Variants in UBR3 observed in about 807,000 individuals in gnomAD.
UBR3 encodes the protein ubiquitin protein ligase E3 component n-recognin 3.
Under a neutral mutation model 243.2 loss-of-function variants are expected in UBR3, and 85 were observed. The observed-to-expected ratio is 0.35, with a 90% confidence interval of 0.29 to 0.42. The LOEUF (loss-of-function observed/expected upper bound fraction) is 0.42, where lower values mean the gene tolerates loss of function less well. Among genes scored for constraint, UBR3 ranks in the 10% least tolerant of loss-of-function variants. The probability of loss-of-function intolerance (pLI) is 1.00; values close to 1 mark genes in which losing one functional copy is unlikely to be tolerated. For missense variants in UBR3, 1,686 were observed against 2,300.8 expected, an observed-to-expected ratio of 0.73 and a Z score of 5.47; for synonymous variants, 748 against 799.8, an observed-to-expected ratio of 0.94 and a Z score of 1.09.
chr2:170,034,017 G>GTT (rs1475823163), intron 31 of UBR3, among the ~76,000 whole-genome samples: 1 of 15,902 alleles, frequency 6.3e-5, no homozygotes. Context: ...ACTTTGGTTT[G>GTT]TTTTTTTTTT....
At chr2:169,874,177 T>TC (rs2083523133) in intron 2 of UBR3, among the ~76,000 whole-genome samples, 1 of 152,058 alleles carries the variant, frequency 6.6e-6, no homozygotes, top group African/African-American at 2.4e-5. Flanking sequence ...TTCTGCCTTT[T>TC]TTTTTTTTGA....
At chr2:170,061,265 TA>T in intron 34 of UBR3, 52 bp from the exon 35 acceptor site, 1 of 1,585,224 alleles carries the variant, frequency 6.3e-7, no homozygotes. Context: ...ATGTAATTTT[TA>T]AAAACTCTTT....
intron 29 of UBR3, among the ~76,000 whole-genome samples, chr2:170,012,675 T>TG (rs1370282527): frequency 6.7e-6 from 1 of 150,254 alleles, no homozygotes; most frequent in East Asian, 1.9e-4. Flanking sequence ...AGATACTGGT[T>TG]TTTTTTTTTT....
intron 1 of UBR3, among the ~76,000 whole-genome samples, chr2:169,847,670 C>T: frequency 6.6e-6 from 1 of 152,108 alleles, no homozygotes. Context: ...TCTATTTTTT[C>T]TAGTATTTCT....
At chr2:169,829,253 T>C (rs1274452428) in intron 1 of UBR3, among the ~76,000 whole-genome samples, 12 of 152,132 alleles carry the variant, frequency 7.9e-5, no homozygotes, top group Non-Finnish European at 1.5e-4. Flanking sequence ...GACCAACCCC[T>C]TACTCTACTT....
Position 169,846,150 on chromosome 2 carries a change from TGG to T in UBR3, c.545+18099_545+18100del. On this transcript the variant is annotated intron_variant, in intron 1 of 38. Coordinates refer to ENST00000272793, the MANE Select transcript of UBR3 (RefSeq NM_172070.4). ...TGCTTGTTTTCTTCATTACTGAGAA[TGG>T]TGTTGAAGTCTCCAAATATAACCGT... 1.3e-5 allele frequency among the ~76,000 whole-genome samples: 2 copies of T among 152,212 alleles called. 1 individual carries two copies. Among genetic ancestry groups the T allele is most frequent in the African/African-American group, 4.8e-5 (2 of 41,460 alleles).
chr2:169,986,555 A>C, intron 24 of UBR3, 90 bp from the exon 25 acceptor site: 1 of 1,307,916 alleles, frequency 7.6e-7, no homozygotes, highest in Non-Finnish European at 1.0e-6. Context: ...TGAAGCTAAA[A>C]ATTGTTTGAA....
chr2:169,898,849 C>T (rs1351458768), intron 8 of UBR3, among the ~76,000 whole-genome samples: 9 of 151,528 alleles, frequency 5.9e-5, no homozygotes, highest in Non-Finnish European at 8.8e-5. Context: ...CTACAGGCAC[C>T]CACCACCACG....
chr2:170,063,721 C>T (rs2091498003), intron 35 of UBR3, among the ~76,000 whole-genome samples: 1 of 152,108 alleles, frequency 6.6e-6, no homozygotes, highest in Non-Finnish European at 1.5e-5. Context: ...CTGTCATCTT[C>T]CAATATATTT....
intron 1 of UBR3, among the ~76,000 whole-genome samples, chr2:169,858,599 A>AATTT (rs1479365050): frequency 6.6e-6 from 1 of 151,212 alleles, no homozygotes; most frequent in Non-Finnish European, 1.5e-5. Context: ...ATTTATTTGA[A>AATTT]ATTTATTTAT....
intron 24 of UBR3, among the ~76,000 whole-genome samples, chr2:169,985,186 C>T (rs2088940799): frequency 6.7e-6 from 1 of 149,822 alleles, no homozygotes; most frequent in African/African-American, 2.4e-5. Context: ...CTTCTCTTTT[C>T]TCCCTAAGAC....
intron 25 of UBR3, among the ~76,000 whole-genome samples, chr2:169,990,434 T>C (rs1182599772): frequency 1.3e-5 from 2 of 152,068 alleles, no homozygotes; most frequent in African/African-American, 2.4e-5. Flanking sequence ...AGTCCAAAGT[T>C]GCAAAGATTC....
intron 8 of UBR3, among the ~76,000 whole-genome samples, chr2:169,897,507 A>T (rs558219300): frequency 6.6e-6 from 1 of 151,944 alleles, no homozygotes; most frequent in East Asian, 1.9e-4. Context: ...AATTTTTATT[A>T]TTATTTTTTG....
At chr2:169,830,124 TA>T (rs1239685758) in intron 1 of UBR3, among the ~76,000 whole-genome samples, 2 of 152,128 alleles carry the variant, frequency 1.3e-5, no homozygotes, top group African/African-American at 2.4e-5. Context: ...TTTCTTTTTT[TA>T]TTTTTATTTT....
At chr2:169,964,842 G>A (rs1423165662) in intron 24 of UBR3, 4 of 456,598 alleles carry the variant, frequency 8.8e-6, no homozygotes, top group Non-Finnish European at 1.3e-5. Context: ...CCAGGGCACA[G>A]GAAGAACAAT....
At chr2:169,848,422 A>G (rs567973327) in intron 1 of UBR3, among the ~76,000 whole-genome samples, 2 of 151,060 alleles carry the variant, frequency 1.3e-5, no homozygotes, top group Non-Finnish European at 2.9e-5. Flanking sequence ...CTTCTCTTGC[A>G]GAGAACAAAT....
At chr2:169,881,202 T>TA (rs1325327400) in intron 5 of UBR3, among the ~76,000 whole-genome samples, 5 of 152,052 alleles carry the variant, frequency 3.3e-5, no homozygotes, top group African/African-American at 1.2e-4. Context: ...TTTTTTGAGA[T>TA]AGAGTCTTGC....
intron 1 of UBR3, among the ~76,000 whole-genome samples, chr2:169,858,662 T>G (rs2082975994): frequency 6.6e-6 from 1 of 152,150 alleles, no homozygotes; most frequent in Admixed American, 6.5e-5. Context: ...TGCAATGGGG[T>G]GATCTCAGCT....
chr2:169,865,141 T>C (rs1246045918), intron 1 of UBR3, among the ~76,000 whole-genome samples: 2 of 152,058 alleles, frequency 1.3e-5, no homozygotes, highest in African/African-American at 2.4e-5. Context: ...TTTCAGCAAG[T>C]CTTTTTCTAA....
Sources: allele counts gnomAD v4.1 joint callset (sites outside exome capture counted in the v4.1 genomes callset), GRCh38; gene constraint gnomAD v4.1.1; transcripts MANE v1.5; gene names NCBI Gene and HGNC (gene_info 2026-07-23, HGNC 2026-07-21).